AKR1C2: variants seen among roughly 807,000 people sequenced by gnomAD.
The protein encoded by AKR1C2 is 3-alpha-HSD3.
Under a neutral mutation model 39.8 loss-of-function variants are expected in AKR1C2, and 27 were observed. That is an observed-to-expected ratio of 0.68 (90% CI 0.50 to 0.93). The LOEUF (loss-of-function observed/expected upper bound fraction) is 0.93. AKR1C2 is among the 40% of genes least tolerant of loss of function. AKR1C2 has a pLI of 0.00. For synonymous variants in AKR1C2, 114 were observed against 137.9 expected, an observed-to-expected ratio of 0.83 and a Z score of 1.22; for missense variants, 263 against 365.1, an observed-to-expected ratio of 0.72 and a Z score of 2.28.
At chr10:5,012,035 A>G (rs1837534620) in intron 1 of AKR1C2, among the ~76,000 whole-genome samples, 2 of 152,178 alleles carry the variant, frequency 1.3e-5, no homozygotes, top group South Asian at 4.2e-4. Context: ...GCGAAAAAAG[A>G]TATTCACAAA....
intron 1 of AKR1C2, among the ~76,000 whole-genome samples, chr10:5,009,877 G>A (rs1261851287): frequency 5.4e-5 from 8 of 147,862 alleles, no homozygotes; most frequent in Admixed American, 4.1e-4. Flanking sequence ...GATTGGAGAA[G>A]AGTCCGGCCA....
rs1489794022 is a variant in AKR1C2, at chr10:4,988,955, G to T, written c.*1041C>A. The stretch of plus-strand genomic sequence containing the variant: ...CATAGCCTGTTTCCAAAAGACATTT[G>T]AAGTCTTGGAACATTTGATTTATTA... On this transcript the variant is annotated 3_prime_UTR_variant, in exon 9 of 9. Transcript: ENST00000380753. The T allele has an allele frequency of 3.9e-5, 6 of 152,250 alleles. No homozygotes were observed. In the East Asian group the frequency reaches 9.6e-4, roughly 24 times the overall value. 9.4% of individuals were successfully genotyped at this position (152,250 alleles called of 1,614,324 possible). A position where few individuals can be genotyped will look rare whatever the true frequency, so the allele number is the denominator to read the frequency against.
intron 8 of AKR1C2, among the ~76,000 whole-genome samples, chr10:4,991,470 A>G (rs4300311): frequency 0.93 from 133,852 of 144,266 alleles, 62,215 homozygotes; most frequent in East Asian, 1. Flanking sequence ...AGATAGAAGC[A>G]CAGATTTGGA....
intron 5 of AKR1C2, chr10:4,997,108 G>A (rs1837078901): frequency 6.6e-6 from 1 of 152,172 alleles, no homozygotes; most frequent in African/African-American, 2.4e-5. Flanking sequence ...TTCACCACTA[G>A]TGGGGCATTC....
rs1437805148 is a variant in AKR1C2, at chr10:4,988,662, G to T, written c.*1334C>A. ...GGCTTGAGAAGGAATCTCTGATGGG[G>T]TTAACATGGCTACCAGAGTACGAAT... On this transcript the variant is annotated 3_prime_UTR_variant, in exon 9 of 9. Coordinates refer to ENST00000380753, the MANE Select transcript of AKR1C2 (RefSeq NM_001393392.1). 2.6e-5 allele frequency: 4 copies of T among 152,128 alleles called. No individual in the cohort carries two copies. The highest frequency in any genetic ancestry group is 9.7e-5 in the African/African-American group (4 of 41,412). 9.4% of individuals were successfully genotyped at this position (152,128 alleles called of 1,614,324 possible). A position where few individuals can be genotyped will look rare whatever the true frequency, so the allele number is the denominator to read the frequency against.
chr10:5,010,172 G>T (rs1241713402), intron 1 of AKR1C2, among the ~76,000 whole-genome samples: 4 of 148,604 alleles, frequency 2.7e-5, no homozygotes, highest in African/African-American at 1.0e-4. Flanking sequence ...CACTGTGGTT[G>T]CAGGCACCCA....
Position 5,001,702 on chromosome 10 carries a change from A to C in AKR1C2, c.85-21T>G, listed in dbSNP as rs189078159. On this transcript the variant is annotated intron_variant, in intron 1 of 8. Transcript: ENST00000380753. ...GGAACCTGGGGGAGCAACCAAACGT[A>C]ATATTTTCTGACTAATGTGCCTGAG... The C allele has an allele frequency of 1.1e-5, 18 of 1,613,238 alleles. No homozygotes were observed. The Admixed American group carries it at 2.5e-4, about 22-fold the overall frequency.
At position 5,001,555 on chromosome 10, in the gene AKR1C2, C is replaced by G. The variant is rs142672563; in HGVS notation, c.211G>C (p.Asp71His). 2,771 of 1,614,050 alleles carry G rather than the reference C, an allele frequency of 1.7e-3. 16 individuals are homozygous for G. The Middle Eastern group carries it at 0.02, about 11-fold the overall frequency. Reference protein sequence around the residue: ...VGLAIRSKIADGSVKREDIFY... With the variant: ...VGLAIRSKIAHGSVKREDIFY... Reference sequence around the variant, plus strand: ...ATGTCTTCTCTCTTCACACTGCCATCTGCAATCTTGCTTCGGATGGCCAGT... The same window carrying G: ...ATGTCTTCTCTCTTCACACTGCCATGTGCAATCTTGCTTCGGATGGCCAGT... The change falls in exon 2 of 9, where the codon GAT becomes CAT. Residue 71 changes from aspartate (D) to histidine (H), a missense_variant. Transcript: ENST00000380753.
rs1554771727 is a variant in AKR1C2 at position 4,988,550 on chromosome 10, G to A, written c.*1446C>T. Reference sequence around the variant, plus strand: ...TGGTCTAGGGCCCTCCAAAGTTTATGGCCTCTTCCAATTTTATAGAATAAG... The same window carrying A: ...TGGTCTAGGGCCCTCCAAAGTTTATAGCCTCTTCCAATTTTATAGAATAAG... On this transcript the variant is annotated 3_prime_UTR_variant, in exon 9 of 9. Coordinates refer to ENST00000380753, the MANE Select transcript of AKR1C2 (RefSeq NM_001393392.1). 1 of 152,126 alleles carries A rather than the reference G, an allele frequency of 6.6e-6. No individual in the cohort carries two copies. The highest frequency in any genetic ancestry group is 2.4e-5 in the African/African-American group (1 of 41,404). 9.4% of individuals were successfully genotyped at this position (152,126 alleles called of 1,614,324 possible). A position where few individuals can be genotyped will look rare whatever the true frequency, so the allele number is the denominator to read the frequency against.
upstream of AKR1C2, among the ~76,000 whole-genome samples, chr10:5,005,323 C>T (rs1837378057): frequency 6.6e-6 from 1 of 152,182 alleles, no homozygotes; most frequent in Non-Finnish European, 1.5e-5. Context: ...ACTGTCATGA[C>T]ATAGAACAAA....
chr10:5,003,173 A>G (rs1314929964), intron 1 of AKR1C2, among the ~76,000 whole-genome samples: 5 of 151,972 alleles, frequency 3.3e-5, no homozygotes, highest in Non-Finnish European at 5.9e-5. Context: ...TAACAAAGAC[A>G]AAGAATTTAA....
intron 3 of AKR1C2, 120 bp downstream of exon 3, chr10:5,000,430 T>A (rs1554773711): frequency 6.3e-7 from 1 of 1,592,226 alleles, no homozygotes; most frequent in Non-Finnish European, 8.6e-7. Flanking sequence ...TGTTTAGGGC[T>A]CTTCTTCCAT....
At chr10:5,009,275 A>G (rs1396310376) in intron 1 of AKR1C2, among the ~76,000 whole-genome samples, 9 of 152,174 alleles carry the variant, frequency 5.9e-5, no homozygotes, top group East Asian at 1.9e-4. Flanking sequence ...TGTGTCACCA[A>G]TGTTGACTCT....
intron 5 of AKR1C2, 82 bp downstream of exon 5, chr10:4,998,543 G>A (rs1254837972): frequency 3.8e-6 from 6 of 1,580,310 alleles, no homozygotes; most frequent in Admixed American, 1.8e-5. Flanking sequence ...AAGATAAGTG[G>A]GACTAAATGA....
intron 5 of AKR1C2, among the ~76,000 whole-genome samples, chr10:4,996,813 G>A (rs1554773154): frequency 1.3e-5 from 2 of 151,898 alleles, no homozygotes; most frequent in Non-Finnish European, 1.5e-5. Context: ...TTAATTAAAT[G>A]TCAGGTAAGA....
chr10:4,998,794 A>G, intron 4 of AKR1C2, 47 bp from the exon 5 acceptor site: 6 of 1,610,698 alleles, frequency 3.7e-6, no homozygotes, highest in Non-Finnish European at 5.1e-6. Flanking sequence ...TCGACTGAAG[A>G]GCAAGATAAA....
chr10:4,998,434 C>A (rs1175663436), intron 5 of AKR1C2, among the ~76,000 whole-genome samples, 191 bp downstream of exon 5: 20 of 152,206 alleles, frequency 1.3e-4, no homozygotes, highest in Admixed American at 7.9e-4. Flanking sequence ...ATCAAAGTTA[C>A]AACACCTTTT....
chr10:5,007,745 G>A (rs1837435156), upstream of AKR1C2, among the ~76,000 whole-genome samples: 2 of 151,584 alleles, frequency 1.3e-5, no homozygotes, highest in African/African-American at 4.9e-5. Context: ...AGATTTATCT[G>A]AGATCCAAGA....
chr10:5,001,276 A>G (rs1554773801), intron 2 of AKR1C2, among the ~76,000 whole-genome samples: 1 of 152,232 alleles, frequency 6.6e-6, no homozygotes, highest in African/African-American at 2.4e-5. Flanking sequence ...AACCATATTG[A>G]TCTGTGCTGA....
Sources: allele counts gnomAD v4.1 joint callset (sites outside exome capture counted in the v4.1 genomes callset), GRCh38; gene constraint gnomAD v4.1.1; transcripts MANE v1.5; gene names NCBI Gene and HGNC (gene_info 2026-07-23, HGNC 2026-07-21).